CENPT: variants seen among roughly 807,000 people sequenced by gnomAD.
CENPT encodes the protein interphase centromere complex protein 22.
A neutral mutation model predicts 59.7 loss-of-function variants in CENPT; 42 were observed. The ratio of observed to expected loss-of-function variants is 0.70; its 90% confidence interval spans 0.55 to 0.91. The LOEUF is 0.91. Ranked by LOEUF, CENPT falls within the 40% of genes least tolerant of loss-of-function variation. The pLI, the probability that CENPT is intolerant of heterozygous loss-of-function variation, is 0.00. For synonymous variants in CENPT, 295 were observed against 289.6 expected, an observed-to-expected ratio of 1.02 and a Z score of -0.19; for missense variants, 716 against 713.4, an observed-to-expected ratio of 1.00 and a Z score of -0.04.
chr16:67,834,592 C>G (rs1567371186), intron 3 of CENPT, among the ~76,000 whole-genome samples: 2 of 152,176 alleles, frequency 1.3e-5, no homozygotes, highest in Admixed American at 6.5e-5. Context: ...GCCTGGGCAA[C>G]AGAGAGAGAC....
chr16:67,828,327 C>T lies in CENPT; in HGVS notation c.1626G>A (p.Glu542=). 2 of 1,609,484 alleles carry T rather than the reference C, an allele frequency of 1.2e-6. No individual in the cohort carries two copies. Among genetic ancestry groups the T allele is most frequent in the Non-Finnish European group, 1.7e-6 (2 of 1,176,508 alleles). The change falls in exon 16 of 16, where the codon GAG becomes GAA. Residue 542 remains glutamate, a synonymous_variant. Coordinates refer to ENST00000562787, the MANE Select transcript of CENPT (RefSeq NM_025082.4). ...CACAGGGGATGAGCAGCTGCCGGTACTCCAGGGGCAGGTGCCGCTCCACTA... is the reference window on the plus strand; with the variant it reads ...CACAGGGGATGAGCAGCTGCCGGTATTCCAGGGGCAGGTGCCGCTCCACTA... ...HVLVERHLPL[E]YRQLLIPCAY...
At chr16:67,828,986 G>A in intron 13 of CENPT, 143 bp from the exon 14 acceptor site, 2 of 756,194 alleles carry the variant, frequency 2.6e-6, no homozygotes, top group Non-Finnish European at 4.1e-6. Context: ...ACCTGCTGAG[G>A]GGCAGTTGGG....
At chr16:67,844,130 T>G (rs2057782489) in intron 1 of CENPT, 1 of 166,914 alleles carries the variant, frequency 6.0e-6, no homozygotes, top group Admixed American at 6.5e-5. Flanking sequence ...TCTGTACAAT[T>G]AGTCAGACTA....
chr16:67,832,219 C>T lies in CENPT; in HGVS notation c.289+9G>A, dbSNP rs764257480. Reference sequence around the variant, plus strand: ...CCTAACTCTGACCGGCAGGCCAGCGCTCACTTACCAGTTAGTAGGATGTTC... The same window carrying T: ...CCTAACTCTGACCGGCAGGCCAGCGTTCACTTACCAGTTAGTAGGATGTTC... On this transcript the variant is annotated intron_variant, in intron 6 of 15. Coordinates refer to ENST00000562787, the MANE Select transcript of CENPT (RefSeq NM_025082.4). 1.9e-6 allele frequency: 3 copies of T among 1,613,862 alleles called. No individual in the cohort carries two copies. Among genetic ancestry groups the T allele is most frequent in the African/African-American group, 1.3e-5 (1 of 74,938 alleles).
At chr16:67,836,650 T>C (rs1156391317) in intron 1 of CENPT, among the ~76,000 whole-genome samples, 1 of 151,936 alleles carries the variant, frequency 6.6e-6, no homozygotes, top group Non-Finnish European at 1.5e-5. Flanking sequence ...TTTGCTCTTG[T>C]TGCCCAGGCT....
chr16:67,841,020 T>C (rs1165545867), intron 1 of CENPT, among the ~76,000 whole-genome samples: 23 of 115,260 alleles, frequency 2.0e-4, no homozygotes, highest in Admixed American at 7.6e-4. Flanking sequence ...CATATATATA[T>C]ATATATATAT....
intron 1 of CENPT, among the ~76,000 whole-genome samples, chr16:67,836,993 G>A (rs527289056): frequency 6.4e-4 from 97 of 151,632 alleles, no homozygotes; most frequent in African/African-American, 2.2e-3. Context: ...TGCCCGCCTC[G>A]GCCTCCCAAA....
intron 10 of CENPT, chr16:67,830,883 T>A: frequency 2.0e-6 from 1 of 505,274 alleles, no homozygotes; most frequent in Middle Eastern, 5.2e-4. Context: ...CTGGTGAACT[T>A]GTTTTCTGCA....
At chr16:67,830,663 A>G (rs1473402909) in intron 10 of CENPT, 115 bp from the exon 11 acceptor site, 19 of 1,084,278 alleles carry the variant, frequency 1.8e-5, no homozygotes, top group Non-Finnish European at 2.4e-5. Context: ...GGGCCTGGAC[A>G]GTGGGCTGCA....
intron 6 of CENPT, 40 bp downstream of exon 6, chr16:67,832,188 C>T (rs760072437): frequency 3.1e-6 from 5 of 1,611,194 alleles, no homozygotes; most frequent in Admixed American, 3.3e-5. Flanking sequence ...TGGGGTTGGA[C>T]TGGTACCTAA....
rs950557904 is a variant in CENPT at position 67,830,646 on chromosome 16, G to A, written c.704-98C>T. ...CCAGGCCCACCGGCTGCTACTCAGCGTTGCCAGGGCCTGGACAGTGGGCTG... is the reference window on the plus strand; with the variant it reads ...CCAGGCCCACCGGCTGCTACTCAGCATTGCCAGGGCCTGGACAGTGGGCTG... On this transcript the variant is annotated intron_variant, in intron 10 of 15. Transcript: ENST00000562787. The A allele has an allele frequency of 3.1e-5, 41 of 1,308,380 alleles. 1 individual carries two copies. Among genetic ancestry groups the A allele is most frequent in the African/African-American group, 5.9e-5 (4 of 67,848 alleles). 81.0% of individuals were successfully genotyped at this position (1,308,380 alleles called of 1,614,324 possible). A position where few individuals can be genotyped will look rare whatever the true frequency, so the allele number is the denominator to read the frequency against.
At chr16:67,831,924 G>A (rs201102788) in intron 7 of CENPT, 34 bp from the exon 8 acceptor site, 2 of 1,602,654 alleles carry the variant, frequency 1.2e-6, no homozygotes, top group Admixed American at 3.5e-5. Flanking sequence ...GACAGGCCAG[G>A]AAGTCCAATT....
Position 67,842,686 on chromosome 16 carries a change from C to A in CENPT, c.-492+4715G>T, listed in dbSNP as rs1277034048. The A allele has an allele frequency of 1.3e-6, 2 of 1,586,732 alleles. No homozygotes were observed. Among genetic ancestry groups the A allele is most frequent in the Non-Finnish European group, 1.7e-6 (2 of 1,166,248 alleles). On this transcript the variant is annotated intron_variant, in intron 1 of 15. Coordinates refer to ENST00000562787, the MANE Select transcript of CENPT (RefSeq NM_025082.4). This position sits in a 1 kb window ranked among gnomAD's most constrained non-coding sequence, Gnocchi z 4.9. The stretch of plus-strand genomic sequence containing the variant: ...GGCTCAAGAACGTGTCGCGTGCCGG[C>A]GTCAGTGGGTGCTTCTCCACCTTCC...
At chr16:67,828,447 G>T in intron 15 of CENPT, 27 bp downstream of exon 15, 1 of 1,613,996 alleles carries the variant, frequency 6.2e-7, no homozygotes, top group Non-Finnish European at 8.5e-7. Context: ...CCCCCAGCCA[G>T]CACCCCCACA....
chr16:67,840,175 G>A (rs13336148), intron 1 of CENPT, among the ~76,000 whole-genome samples: 10,427 of 152,004 alleles, frequency 0.069, 496 homozygotes, highest in Middle Eastern at 0.19. Context: ...AAAATTAGCC[G>A]GGCACGGTGG....
At position 67,831,997 on chromosome 16, in the gene CENPT, G is replaced by A; in HGVS notation, c.386+15C>T. 1 of 1,593,016 alleles carries A rather than the reference G, an allele frequency of 6.3e-7. No individual in the cohort carries two copies. Among genetic ancestry groups the A allele is most frequent in the Non-Finnish European group, 8.6e-7 (1 of 1,167,852 alleles). ...CTGCCCATAGCACAATCCAAGGTGG[G>A]GGAGTTCTGTGTACCTGCCGCAACT... On this transcript the variant is annotated intron_variant, in intron 7 of 15. Coordinates refer to ENST00000562787, the MANE Select transcript of CENPT (RefSeq NM_025082.4).
In CENPT at chr16:67,833,775, GC is replaced by G; in HGVS notation, c.84del (p.Arg29GlyfsTer23). 1 of 1,558,832 alleles carries G rather than the reference GC, an allele frequency of 6.4e-7. No homozygotes were observed. Among genetic ancestry groups the G allele is most frequent in the Non-Finnish European group, 8.7e-7 (1 of 1,155,340 alleles). ...RVLDTADPRT[P>X]RRPRSARAGA... ...CCAGCCCGAGCACTCCGGGGTCGCCGCGGGGTGCGCGGGTCCGCTGTATCCA... is the reference window on the plus strand; with the variant it reads ...CCAGCCCGAGCACTCCGGGGTCGCCGGGGGTGCGCGGGTCCGCTGTATCCA... On this transcript the variant is annotated frameshift_variant, in exon 4 of 16. Transcript: ENST00000562787. LOFTEE classifies it high-confidence loss of function.
chr16:67,830,156 TA>T, intron 11 of CENPT, 68 bp from the exon 12 acceptor site: 1 of 1,489,350 alleles, frequency 6.7e-7, no homozygotes. Context: ...CAGAGAAGGG[TA>T]AAGATGGACC....
chr16:67,842,593 C>T lies in CENPT; in HGVS notation c.-492+4808G>A, dbSNP rs1567374022. 1.3e-6 allele frequency: 2 copies of T among 1,546,804 alleles called. No individual in the cohort carries two copies. The highest frequency in any genetic ancestry group is 8.7e-7 in the Non-Finnish European group (1 of 1,144,222). On this transcript the variant is annotated intron_variant, in intron 1 of 15. Transcript: ENST00000562787. The surrounding 1 kb of genome is among the most constrained non-coding windows in gnomAD (Gnocchi z 4.9). The stretch of plus-strand genomic sequence containing the variant: ...CGTGCTGCGTGCCAGGCTGCTACAA[C>T]AACTCGCACCGGGACAAGGCGCTGC...
Sources: gnomAD v4.1 joint callset for allele counts (sites outside exome capture counted in the v4.1 genomes callset) on GRCh38, gnomAD v4.1.1 for gene constraint, Gnocchi (gnomAD v3.1) non-coding constraint, MANE v1.5 for transcripts, NCBI Gene and HGNC (gene_info 2026-07-23, HGNC 2026-07-21) for gene names.